P2RX1: variants seen among roughly 807,000 people sequenced by gnomAD.
The protein encoded by P2RX1 is purinergic receptor P2X 1, also known as P2X purinoceptor 1.
P2RX1 carries 42 observed loss-of-function variants against 50.3 expected under a neutral mutation model. That is an observed-to-expected ratio of 0.83 (90% CI 0.65 to 1.08). The LOEUF (loss-of-function observed/expected upper bound fraction) is 1.08. Ranked by LOEUF, P2RX1 falls within the 50% of genes least tolerant of loss-of-function variation. P2RX1 has a pLI of 0.00. For synonymous variants in P2RX1, 199 were observed against 202.6 expected (o/e 0.98, Z 0.15); for missense variants, 449 against 529.0 (o/e 0.85, Z 1.48).
chr17:3,912,850 T>A (rs1302197918), intron 1 of P2RX1, among the ~76,000 whole-genome samples: 1 of 152,164 alleles, frequency 6.6e-6, no homozygotes, highest in Non-Finnish European at 1.5e-5. Flanking sequence ...ATTGGTGCAC[T>A]CTGATCTCCA....
chr17:3,897,870 C>CA lies in P2RX1; in HGVS notation c.1143dup (p.Asp382Ter). 6.2e-7 allele frequency: 1 copy of CA among 1,613,906 alleles called. No individual in the cohort carries two copies. The highest frequency in any genetic ancestry group is 1.7e-5 in the Admixed American group (1 of 60,016). On this transcript the variant is annotated frameshift_variant, in exon 12 of 12. Transcript: ENST00000225538. LOFTEE classifies it high-confidence loss of function. ...AGGGTGGAGCTGGTAGCTGCGAGGTCACGCTCAGCCTGTGTACGTGGTGCA... is the reference window on the plus strand; with the variant it reads ...AGGGTGGAGCTGGTAGCTGCGAGGTCAACGCTCAGCCTGTGTACGTGGTGCA...
At position 3,897,735 on chromosome 17, in the gene P2RX1, C is replaced by G; in HGVS notation, c.*79G>C. The G allele has an allele frequency of 7.4e-7, 1 of 1,346,812 alleles. No individual in the cohort carries two copies. Among genetic ancestry groups the G allele is most frequent in the Non-Finnish European group, 1.0e-6 (1 of 954,464 alleles). 83.4% of individuals were successfully genotyped at this position (1,346,812 alleles called of 1,614,324 possible). On this transcript the variant is annotated 3_prime_UTR_variant, in exon 12 of 12. Coordinates refer to ENST00000225538, the MANE Select transcript of P2RX1 (RefSeq NM_002558.4). ...GGGTAGGAGACTTCCTGGGGAGGCCCCTCTGCCCTGGCTGGGACCCACCAG... is the reference window on the plus strand; with the variant it reads ...GGGTAGGAGACTTCCTGGGGAGGCCGCTCTGCCCTGGCTGGGACCCACCAG...
chr17:3,904,834 G>A, intron 3 of P2RX1, 24 bp downstream of exon 3: 1 of 1,566,944 alleles, frequency 6.4e-7, no homozygotes, highest in Non-Finnish European at 8.7e-7. Flanking sequence ...TCCCAGAAGG[G>A]GGCTGGCGGG....
In P2RX1 at chr17:3,904,329, C is replaced by T. The variant is rs765204490; in HGVS notation, c.427+1G>A. 2.5e-6 allele frequency: 4 copies of T among 1,613,686 alleles called. No individual in the cohort carries two copies. The highest frequency in any genetic ancestry group is 3.4e-6 in the Non-Finnish European group (4 of 1,179,690). ...GAGGGACAGGAGGAGGCTGACCTTA[C>T]CTTGGGCCTTCCTCTTGGCCTTCCC... On this transcript the variant is annotated splice_donor_variant, in intron 4 of 11. Coordinates refer to ENST00000225538, the MANE Select transcript of P2RX1 (RefSeq NM_002558.4). LOFTEE classifies it high-confidence loss of function.
At chr17:3,906,348 T>G (rs538674285) in intron 1 of P2RX1, among the ~76,000 whole-genome samples, 8 of 152,226 alleles carry the variant, frequency 5.3e-5, no homozygotes, top group Admixed American at 2.0e-4. Context: ...GGCCAGGATG[T>G]TCTCGATCTC....
At chr17:3,915,342 A>T (rs1474642178) in intron 1 of P2RX1, 1 of 399,482 alleles carries the variant, frequency 2.5e-6, no homozygotes, top group Non-Finnish European at 5.0e-6. Flanking sequence ...CCAGGGACAC[A>T]CACCCAGACA....
At chr17:3,904,192 G>A (rs1010299940) in intron 4 of P2RX1, 138 bp downstream of exon 4, 8 of 1,011,694 alleles carry the variant, frequency 7.9e-6, no homozygotes, top group East Asian at 4.9e-5. Context: ...GAGGGGAGAC[G>A]GCAGGAGGGA....
At chr17:3,898,254 C>A in intron 10 of P2RX1, 144 bp from the exon 11 acceptor site, 1 of 792,662 alleles carries the variant, frequency 1.3e-6, no homozygotes, top group Non-Finnish European at 2.2e-6. Context: ...GTGGATGAGG[C>A]CCTGCAGGAC....
chr17:3,905,357 G>C lies in P2RX1; in HGVS notation c.148C>G (p.Leu50Val), dbSNP rs2056243970. The C allele has an allele frequency of 1.2e-6, 2 of 1,613,706 alleles. No individual in the cohort carries two copies. The highest frequency in any genetic ancestry group is 2.7e-5 in the African/African-American group (2 of 75,060). The change falls in exon 2 of 12, where the codon CTC becomes GTC. Residue 50 changes from leucine to valine, a missense_variant. Physicochemically the swap from Leu to Val is conservative, Grantham distance 32. Coordinates refer to ENST00000225538, the MANE Select transcript of P2RX1 (RefSeq NM_002558.4). ...GAGGTCTGGTAGCCCTTCTCATAGA[G>C]AAACACCCACCTGTGCGGGTGGGGA... ...VLVYVIGWVFLYEKGYQTSSG... is the reference protein window; with the variant it reads ...VLVYVIGWVFVYEKGYQTSSG...
chr17:3,910,485 C>T (rs1284096609), intron 1 of P2RX1, among the ~76,000 whole-genome samples: 1 of 152,220 alleles, frequency 6.6e-6, no homozygotes, highest in East Asian at 1.9e-4. Flanking sequence ...ATTGGATCCC[C>T]CAGTCCTTCT....
At chr17:3,915,944 A>AT in intron 1 of P2RX1, 145 bp downstream of exon 1, 3 of 1,004,578 alleles carry the variant, frequency 3.0e-6, no homozygotes, top group Non-Finnish European at 4.6e-6. Context: ...AGGATTTTCT[A>AT]TTCTCGCACA....
At chr17:3,901,625 G>A (rs1264008413) in intron 7 of P2RX1, among the ~76,000 whole-genome samples, 1 of 152,214 alleles carries the variant, frequency 6.6e-6, no homozygotes, top group Non-Finnish European at 1.5e-5. Context: ...GACCTCCCTT[G>A]TAGACAGACA....
intron 1 of P2RX1, among the ~76,000 whole-genome samples, chr17:3,908,608 TC>T (rs2056309236): frequency 6.6e-6 from 1 of 152,110 alleles, no homozygotes; most frequent in Admixed American, 6.5e-5. Flanking sequence ...CCAGGCCTGC[TC>T]CTCCAAAGCC....
chr17:3,900,471 A>C (rs1367585730), intron 7 of P2RX1, among the ~76,000 whole-genome samples: 1 of 151,992 alleles, frequency 6.6e-6, no homozygotes, highest in Non-Finnish European at 1.5e-5. Flanking sequence ...CAACAACAAC[A>C]AAAAAAACTG....
intron 1 of P2RX1, among the ~76,000 whole-genome samples, chr17:3,908,060 T>C (rs1230204397): frequency 2.6e-5 from 4 of 152,160 alleles, no homozygotes; most frequent in African/African-American, 9.7e-5. Context: ...AGTGTCCCCA[T>C]GCTTGAGGCA....
Position 3,903,393 on chromosome 17 carries a change from G to T in P2RX1, c.606-50C>A. The T allele has an allele frequency of 6.2e-7, 1 of 1,611,646 alleles. No homozygotes were observed. Among genetic ancestry groups the T allele is most frequent in the Non-Finnish European group, 8.5e-7 (1 of 1,178,972 alleles). ...GCTGCTGTGTGTCATCCGGGAGGGT[G>T]CCCACCACGCCCCAAAGCCTGGGGA... On this transcript the variant is annotated intron_variant, in intron 6 of 11. Coordinates refer to ENST00000225538, the MANE Select transcript of P2RX1 (RefSeq NM_002558.4). The surrounding 1 kb of genome is among the most constrained non-coding windows in gnomAD (Gnocchi z 4.6).
chr17:3,908,705 T>A (rs2056311049), intron 1 of P2RX1, among the ~76,000 whole-genome samples: 1 of 152,176 alleles, frequency 6.6e-6, no homozygotes, highest in African/African-American at 2.4e-5. Context: ...CAGAAGCCTC[T>A]CCCCTTCCAG....
intron 1 of P2RX1, among the ~76,000 whole-genome samples, chr17:3,908,116 G>A (rs1437117605): frequency 1.3e-5 from 2 of 152,174 alleles, no homozygotes; most frequent in African/African-American, 2.4e-5. Context: ...CACTGGCTTC[G>A]ACGTGTCTCC....
Position 3,903,832 on chromosome 17 carries a change from G to C in P2RX1, c.524+96C>G. Reference sequence around the variant, plus strand: ...GGTTGCGCGGATGGGGTGAGGGTGGGGTCAGAAAAAGGGGTAAAGATCCTT... The same window carrying C: ...GGTTGCGCGGATGGGGTGAGGGTGGCGTCAGAAAAAGGGGTAAAGATCCTT... On this transcript the variant is annotated intron_variant, in intron 5 of 11. Coordinates refer to ENST00000225538, the MANE Select transcript of P2RX1 (RefSeq NM_002558.4). The surrounding 1 kb of genome is among the most constrained non-coding windows in gnomAD (Gnocchi z 4.6). 8 of 1,198,472 alleles carry C rather than the reference G, an allele frequency of 6.7e-6. No individual in the cohort carries two copies. Among genetic ancestry groups the C allele is most frequent in the Non-Finnish European group, 4.9e-6 (4 of 808,890 alleles). 74.2% of individuals were successfully genotyped at this position (1,198,472 alleles called of 1,614,324 possible).
Sources: allele counts gnomAD v4.1 joint callset (sites outside exome capture counted in the v4.1 genomes callset), GRCh38; gene constraint gnomAD v4.1.1; non-coding constraint Gnocchi (gnomAD v3.1); transcripts MANE v1.5; gene names NCBI Gene and HGNC (gene_info 2026-07-23, HGNC 2026-07-21).